The following DLG2 variants were observed in gnomAD, a reference collection of about 807,000 sequenced individuals.
DLG2 encodes the protein disks large homolog 2.
DLG2 carries 45 observed loss-of-function variants against 132.5 expected under a neutral mutation model. That is an observed-to-expected ratio of 0.34 (90% confidence interval 0.27 to 0.44). DLG2 has a LOEUF of 0.44. Ranked by LOEUF, DLG2 falls within the 20% of genes least tolerant of loss-of-function variation. The pLI, the probability that DLG2 is intolerant of heterozygous loss-of-function variation, is 1.00. For synonymous variants in DLG2, 424 were observed against 419.6 expected (o/e 1.01, Z -0.13); for missense variants, 1,045 against 1,196.9 (o/e 0.87, Z 1.87).
At chr11:84,402,581 T>C (rs936551261) in intron 7 of DLG2, among the ~76,000 whole-genome samples, 1 of 148,132 alleles carries the variant, frequency 6.8e-6, no homozygotes, top group African/African-American at 2.5e-5. Flanking sequence ...AGGTTGGCAA[T>C]AAAAAAAAAT....
At chr11:84,411,346 A>G (rs1276025888) in intron 7 of DLG2, among the ~76,000 whole-genome samples, 1 of 152,228 alleles carries the variant, frequency 6.6e-6, no homozygotes, top group Non-Finnish European at 1.5e-5. Context: ...GACATATATT[A>G]TCTTTTCAGA....
Position 85,496,696 on chromosome 11 carries a change from G to A in DLG2, c.40+101961C>T, listed in dbSNP as rs189742424. Among the ~76,000 whole-genome samples, 29 of 152,138 alleles carry A rather than the reference G, an allele frequency of 1.9e-4. 1 individual carries two copies. The highest frequency in any genetic ancestry group is 4.1e-4 in the African/African-American group (17 of 41,534). ...GCCAACAGACACCTCATACACGCTC[G>A]TGCCCCTCTCAGATGAAGCTCTCAG... On this transcript the variant is annotated intron_variant, in intron 3 of 27. Coordinates refer to ENST00000376104, the MANE Select transcript of DLG2 (RefSeq NM_001142699.3).
chr11:84,034,758 C>T (rs1275787288), intron 11 of DLG2, among the ~76,000 whole-genome samples: 1 of 152,154 alleles, frequency 6.6e-6, no homozygotes, highest in Non-Finnish European at 1.5e-5. Context: ...CTGCTGCCCT[C>T]TGTAAATCAG....
At chr11:85,401,336 T>A (rs1302695913) in intron 3 of DLG2, among the ~76,000 whole-genome samples, 1 of 152,118 alleles carries the variant, frequency 6.6e-6, no homozygotes, top group Admixed American at 6.6e-5. Context: ...ATGGAACGTA[T>A]CTCAAAATAA....
At chr11:84,433,350 G>A (rs188767059) in intron 7 of DLG2, among the ~76,000 whole-genome samples, 1 of 152,238 alleles carries the variant, frequency 6.6e-6, no homozygotes, top group East Asian at 1.9e-4. Flanking sequence ...TTATCTTAAA[G>A]ATTCTTCAAC....
chr11:84,227,557 G>A (rs2097020408), intron 8 of DLG2, among the ~76,000 whole-genome samples: 4 of 152,172 alleles, frequency 2.6e-5, no homozygotes, highest in Middle Eastern at 3.4e-3. Flanking sequence ...CATCTTGAGG[G>A]CAGAAACTAC....
chr11:84,030,018 A>G (rs570870719), intron 11 of DLG2, among the ~76,000 whole-genome samples: 28 of 152,168 alleles, frequency 1.8e-4, no homozygotes, highest in African/African-American at 6.0e-4. Flanking sequence ...ATCTGTATCT[A>G]TATATCTGTA....
At chr11:83,953,617 T>G (rs1345963679) in intron 14 of DLG2, among the ~76,000 whole-genome samples, 1 of 152,212 alleles carries the variant, frequency 6.6e-6, no homozygotes, top group Non-Finnish European at 1.5e-5. Flanking sequence ...GATTGCAAAG[T>G]GTCATGGACA....
At chr11:84,608,765 A>T (rs2099590170) in intron 6 of DLG2, among the ~76,000 whole-genome samples, 1 of 152,152 alleles carries the variant, frequency 6.6e-6, no homozygotes, top group Admixed American at 6.6e-5. Context: ...GTGAGACAGA[A>T]ATCAGAGGAC....
intron 7 of DLG2, among the ~76,000 whole-genome samples, chr11:84,530,174 C>T (rs1264850215): frequency 6.6e-6 from 1 of 152,124 alleles, no homozygotes; most frequent in Non-Finnish European, 1.5e-5. Flanking sequence ...AAATACAAAA[C>T]CTAAAACTAT....
intron 6 of DLG2, among the ~76,000 whole-genome samples, chr11:85,064,608 ATAGT>A (rs1206696039): frequency 6.6e-6 from 1 of 151,744 alleles, no homozygotes; most frequent in African/African-American, 2.4e-5. Flanking sequence ...AAGGGGTGCG[ATAGT>A]TAGTTTTATC....
At chr11:84,619,669 C>T (rs945722747) in intron 6 of DLG2, among the ~76,000 whole-genome samples, 1 of 151,336 alleles carries the variant, frequency 6.6e-6, no homozygotes, top group Non-Finnish European at 1.5e-5. Flanking sequence ...AAAAAAGATA[C>T]TATTCATTAT....
intron 6 of DLG2, among the ~76,000 whole-genome samples, chr11:85,084,063 T>C (rs1397726155): frequency 6.6e-6 from 1 of 152,060 alleles, no homozygotes; most frequent in Non-Finnish European, 1.5e-5. Context: ...TACAGGTACT[T>C]ATGGATTTTG....
In DLG2 at chr11:85,618,960, C is replaced by G. The variant is rs181285089; in HGVS notation, c.-93+7627G>C. ...TCAAGTCATTAGCATATGCTTTGTA[C>G]TCTCCCAATAGATATGTAAAATAAA... is the stretch of plus-strand genomic sequence containing the variant. On this transcript the variant is annotated intron_variant, in intron 2 of 27. Coordinates refer to ENST00000376104, the MANE Select transcript of DLG2 (RefSeq NM_001142699.3). 1.8e-4 allele frequency among the ~76,000 whole-genome samples: 27 copies of G among 152,322 alleles called. No individual in the cohort carries two copies. The East Asian group carries it at 5.2e-3, about 29-fold the overall frequency.
chr11:83,774,690 G>C (rs1437179738), intron 18 of DLG2, among the ~76,000 whole-genome samples: 1 of 152,140 alleles, frequency 6.6e-6, no homozygotes, highest in African/African-American at 2.4e-5. Flanking sequence ...TGGTGCAAAG[G>C]GCTGATTAGA....
intron 7 of DLG2, among the ~76,000 whole-genome samples, chr11:84,508,400 C>CTTTTTTT (rs371285075): frequency 7.1e-6 from 1 of 141,086 alleles, no homozygotes; most frequent in Non-Finnish European, 1.5e-5. Context: ...CTTTCTTTAC[C>CTTTTTTT]TTTTTTTTTT....
intron 17 of DLG2, among the ~76,000 whole-genome samples, chr11:83,832,150 A>G (rs140524151): frequency 3.7e-4 from 57 of 152,362 alleles, no homozygotes; most frequent in Admixed American, 6.5e-4. Context: ...GTTATGCAAG[A>G]TAAGTCAGAG....
intron 18 of DLG2, among the ~76,000 whole-genome samples, chr11:83,784,377 G>C (rs946202124): frequency 6.6e-6 from 1 of 152,152 alleles, no homozygotes; most frequent in African/African-American, 2.4e-5. Context: ...GTAAAGTTTG[G>C]ATAGGAGAGG....
rs2094936952 is a variant in DLG2, at chr11:84,143,359, A to G, written c.624+20102T>C. Among the ~76,000 whole-genome samples, 4 of 152,178 alleles carry G rather than the reference A, an allele frequency of 2.6e-5. 1 individual carries two copies. In the South Asian group the frequency reaches 8.3e-4, roughly 31 times the overall value. On this transcript the variant is annotated intron_variant, in intron 9 of 27. Transcript: ENST00000376104. ...TCAGTTAAAAATGGTAATAGAGTGA[A>G]GAATAATTTTAGAATCAATAAATCT...
Sources: allele counts gnomAD v4.1 joint callset (sites outside exome capture counted in the v4.1 genomes callset), GRCh38; gene constraint gnomAD v4.1.1; transcripts MANE v1.5; gene names NCBI Gene and HGNC (gene_info 2026-07-23, HGNC 2026-07-21).